Variants in CYP27C1 observed in about 807,000 individuals in gnomAD.
The protein encoded by CYP27C1 is cytochrome P450 27C1.
CYP27C1 carries 29 observed loss-of-function variants against 40.6 expected under a neutral mutation model. That is an observed-to-expected ratio of 0.71 (90% CI 0.53 to 0.97). The LOEUF is 0.97. CYP27C1 is among the 50% of genes least tolerant of loss of function. The pLI, the probability that CYP27C1 is intolerant of heterozygous loss-of-function variation, is 0.00. For synonymous variants in CYP27C1, 198 were observed against 186.8 expected, an observed-to-expected ratio of 1.06 and a Z score of -0.49; for missense variants, 390 against 485.8, an observed-to-expected ratio of 0.80 and a Z score of 1.85.
chr2:127,204,444 GAAAGAAAGAAA>G (rs1558930831), intron 2 of CYP27C1, among the ~76,000 whole-genome samples: 43 of 23,270 alleles, frequency 1.8e-3, no homozygotes, highest in African/African-American at 7.0e-3. Flanking sequence ...GAAAGAAAAA[GAAAGAAAGAAA>G]GAAAGAAAGA....
Position 127,219,256 on chromosome 2 carries a change from C to A in CYP27C1, c.282+733G>T, listed in dbSNP as rs1002600016. 6.6e-6 allele frequency among the ~76,000 whole-genome samples: 1 copy of A among 152,262 alleles called. No homozygotes were observed. The highest frequency in any genetic ancestry group is 2.1e-4 in the South Asian group (1 of 4,822). On this transcript the variant is annotated intron_variant, in intron 1 of 8. Transcript: ENST00000664447. This position sits in a 1 kb window ranked among gnomAD's most constrained non-coding sequence, Gnocchi z 8.7. Reference sequence around the variant, plus strand: ...CGGGCCGGCCCCAGGCAGCAGCCCCCCTCAGCCCCAACTCCGCGGGTCCCG... The same window carrying A: ...CGGGCCGGCCCCAGGCAGCAGCCCCACTCAGCCCCAACTCCGCGGGTCCCG...
intron 2 of CYP27C1, among the ~76,000 whole-genome samples, chr2:127,205,318 G>A (rs1558931886): frequency 6.6e-6 from 1 of 152,202 alleles, no homozygotes; most frequent in East Asian, 1.9e-4. Context: ...TATCAAAAGA[G>A]CTGCAAACAG....
chr2:127,214,732 C>T (rs1052024228), intron 1 of CYP27C1, among the ~76,000 whole-genome samples: 1 of 148,636 alleles, frequency 6.7e-6, no homozygotes, highest in African/African-American at 2.5e-5. Context: ...CCATGGTGCA[C>T]GTACACCTAT....
In CYP27C1 at chr2:127,195,105, C is replaced by T. The variant is rs1007933500; in HGVS notation, c.1214+230G>A. 1.3e-5 allele frequency among the ~76,000 whole-genome samples: 2 copies of T among 152,132 alleles called. No homozygotes were observed. The highest frequency in any genetic ancestry group is 2.9e-5 in the Non-Finnish European group (2 of 68,020). ...CCTCCCAAAGTGCTGGGATTACAGGCGTGAGCCACTGTGCCTGGCCCAAAG... is the reference window on the plus strand; with the variant it reads ...CCTCCCAAAGTGCTGGGATTACAGGTGTGAGCCACTGTGCCTGGCCCAAAG... On this transcript the variant is annotated intron_variant, in intron 6 of 8. Coordinates refer to ENST00000664447, the MANE Select transcript of CYP27C1 (RefSeq NM_001367502.1). The surrounding 1 kb of genome is among the most constrained non-coding windows in gnomAD (Gnocchi z 6.2).
chr2:127,209,150 G>A lies in CYP27C1; in HGVS notation c.283-3060C>T, dbSNP rs1017121562. Among the ~76,000 whole-genome samples, 3 of 152,134 alleles carry A rather than the reference G, an allele frequency of 2.0e-5. No homozygotes were observed. The highest frequency in any genetic ancestry group is 6.5e-5 in the Admixed American group (1 of 15,274). On this transcript the variant is annotated intron_variant, in intron 1 of 8. Coordinates refer to ENST00000664447, the MANE Select transcript of CYP27C1 (RefSeq NM_001367502.1). This position sits in a 1 kb window ranked among gnomAD's most constrained non-coding sequence, Gnocchi z 4.1. ...TCAGAGGTCCCAGAAGAAGGAGCAG[G>A]CACCCATCATTGCTGCACTTCAGCC...
At chr2:127,197,805 G>A (rs568488363) in intron 5 of CYP27C1, among the ~76,000 whole-genome samples, 49 of 152,076 alleles carry the variant, frequency 3.2e-4, no homozygotes, top group Non-Finnish European at 5.7e-4. Flanking sequence ...ATTTTCACAC[G>A]TATCCTATTA....
intron 1 of CYP27C1, among the ~76,000 whole-genome samples, chr2:127,214,859 T>C (rs1683400012): frequency 7.0e-6 from 1 of 142,010 alleles, no homozygotes; most frequent in African/African-American, 2.6e-5. Context: ...CCGGGCGCAG[T>C]GGCTCACGCC....
intron 6 of CYP27C1, 108 bp from the exon 7 acceptor site, chr2:127,193,975 A>T: frequency 8.1e-7 from 1 of 1,230,892 alleles, no homozygotes; most frequent in Non-Finnish European, 1.2e-6. Flanking sequence ...ATTCTTAAAA[A>T]GTAACACATG....
chr2:127,197,958 G>A (rs996874989), intron 5 of CYP27C1, among the ~76,000 whole-genome samples: 1 of 152,024 alleles, frequency 6.6e-6, no homozygotes, highest in Non-Finnish European at 1.5e-5. Context: ...GCACAGTCAC[G>A]GACAGATGTG....
chr2:127,193,919 T>C, intron 6 of CYP27C1, 52 bp from the exon 7 acceptor site: 3 of 1,591,758 alleles, frequency 1.9e-6, no homozygotes, highest in Non-Finnish European at 2.6e-6. Context: ...TCACAGTATT[T>C]TATTGAACGT....
Position 127,201,169 on chromosome 2 carries a change from T to G in CYP27C1, c.836A>C (p.Lys279Thr). 6.2e-7 allele frequency: 1 copy of G among 1,614,070 alleles called. No homozygotes were observed. Among genetic ancestry groups the G allele is most frequent in the South Asian group, 1.1e-5 (1 of 91,072 alleles). The change falls in exon 4 of 9, where the codon AAG becomes ACG. Residue 279 changes from lysine (K) to threonine (T), a missense_variant. Coordinates refer to ENST00000664447, the MANE Select transcript of CYP27C1 (RefSeq NM_001367502.1). This position sits in a 1 kb window ranked among gnomAD's most constrained non-coding sequence, Gnocchi z 6.0. ...IPRWLRPFIP[K>T]PWREFCRSWD... Reference sequence around the variant, plus strand: ...GGACCTGCAGAATTCCCGCCAGGGCTTTGGGATGAAGGGGCGAAGCCATCT... The same window carrying G: ...GGACCTGCAGAATTCCCGCCAGGGCGTTGGGATGAAGGGGCGAAGCCATCT...
rs371826841 is a variant in CYP27C1 at position 127,211,369 on chromosome 2, G to GTTTTTTTTT, written c.283-5288_283-5280dup. 3.5e-3 allele frequency among the ~76,000 whole-genome samples: 334 copies of GTTTTTTTTT among 94,928 alleles called. 12 individuals are homozygous for GTTTTTTTTT. Among genetic ancestry groups the GTTTTTTTTT allele is most frequent in the African/African-American group, 8.2e-3 (190 of 23,278 alleles). 62.3% of individuals were successfully genotyped at this position (94,928 alleles called of 152,430 possible). A position where few individuals can be genotyped will look rare whatever the true frequency, so the allele number is the denominator to read the frequency against. On this transcript the variant is annotated intron_variant, in intron 1 of 8. Coordinates refer to ENST00000664447, the MANE Select transcript of CYP27C1 (RefSeq NM_001367502.1). ...GATACAGCTAAAGCAGTGTTTTTTT[G>GTTTTTTTTT]TTTTTTTTTTTTTTTTTTTTTTTTT...
intron 2 of CYP27C1, among the ~76,000 whole-genome samples, chr2:127,204,850 C>G (rs539351383): frequency 6.6e-6 from 1 of 152,146 alleles, no homozygotes. Context: ...CAAGTGCCCA[C>G]GAGCGTCACC....
At chr2:127,203,248 A>C in intron 3 of CYP27C1, 124 bp downstream of exon 3, 4 of 1,010,684 alleles carry the variant, frequency 4.0e-6, no homozygotes, top group South Asian at 1.6e-5. Flanking sequence ...CGTGGAGGTG[A>C]CATGCATGTA....
At chr2:127,194,904 A>G (rs1682867842) in intron 6 of CYP27C1, among the ~76,000 whole-genome samples, 1 of 149,172 alleles carries the variant, frequency 6.7e-6, no homozygotes, top group East Asian at 2.0e-4. Flanking sequence ...GCACTGGTGC[A>G]ATCTTGGCTC....
chr2:127,203,735 A>T (rs1683093714), intron 2 of CYP27C1, among the ~76,000 whole-genome samples, 164 bp from the exon 3 acceptor site: 1 of 152,164 alleles, frequency 6.6e-6, no homozygotes, highest in Non-Finnish European at 1.5e-5. Flanking sequence ...GAGAGAAGTT[A>T]ATAACTGCAG....
intron 3 of CYP27C1, among the ~76,000 whole-genome samples, chr2:127,202,928 G>C (rs1464802161): frequency 2.0e-5 from 3 of 152,052 alleles, no homozygotes; most frequent in Non-Finnish European, 4.4e-5. Flanking sequence ...CAGCACTTTG[G>C]GAGGCCAAGG....
intron 4 of CYP27C1, 107 bp from the exon 5 acceptor site, chr2:127,199,646 G>A (rs1682987306): frequency 2.4e-6 from 3 of 1,255,998 alleles, no homozygotes; most frequent in Admixed American, 5.3e-5. Flanking sequence ...AGTGGCAGGT[G>A]ACAGAGGGTA....
At chr2:127,214,954 C>A (rs1428331143) in intron 1 of CYP27C1, among the ~76,000 whole-genome samples, 1 of 151,474 alleles carries the variant, frequency 6.6e-6, no homozygotes, top group African/African-American at 2.4e-5. Context: ...CGAGGAAACC[C>A]CGTCTCTACT....
Sources: gnomAD v4.1 joint callset for allele counts (sites outside exome capture counted in the v4.1 genomes callset) on GRCh38, gnomAD v4.1.1 for gene constraint, Gnocchi (gnomAD v3.1) non-coding constraint, MANE v1.5 for transcripts, NCBI Gene and HGNC (gene_info 2026-07-23, HGNC 2026-07-21) for gene names.